The following TKT variants were observed in gnomAD, a reference collection of about 807,000 sequenced individuals.
The protein encoded by TKT is transketolase, also known as epididymis luminal protein 107.
In TKT, 47 loss-of-function variants were observed where a neutral mutation model predicts 63.9. The observed-to-expected ratio is 0.74, with a 90% confidence interval of 0.58 to 0.94. TKT has a LOEUF of 0.94. Among genes scored for constraint, TKT ranks in the 40% least tolerant of loss-of-function variants. The pLI, the probability that TKT is intolerant of heterozygous loss-of-function variation, is 0.00. For missense variants in TKT, 721 were observed against 846.2 expected (o/e 0.85, Z 1.84); for synonymous variants, 338 against 334.1 (o/e 1.01, Z -0.13).
At chr3:53,246,926 G>A (rs1344536382) in intron 1 of TKT, among the ~76,000 whole-genome samples, 1 of 151,980 alleles carries the variant, frequency 6.6e-6, no homozygotes, top group African/African-American at 2.4e-5. Flanking sequence ...TCAGGGGAAG[G>A]GAAGATGAGG....
rs11556002 is a variant in TKT at position 53,240,295 on chromosome 3, G to A, written c.393C>T (p.Ala131=). The A allele has an allele frequency of 9.5e-4, 1,537 of 1,613,276 alleles. 13 individuals are homozygous for A. The African/African-American group carries it at 0.016, about 17-fold the overall frequency. The change falls in exon 4 of 14, where the codon GCC becomes GCT. Residue 131 remains alanine, a synonymous_variant. Transcript: ENST00000462138. ...TGCCGGTGTAGGCCATCCCACAAGC[G>A]GCCCCGAGGCCCTGGCCCAGGGAGC... The part of the protein sequence containing the change: ...ATGSLGQGLG[A]ACGMAYTGKY...
At chr3:53,254,381 C>G (rs574419787) in intron 1 of TKT, among the ~76,000 whole-genome samples, 1 of 152,334 alleles carries the variant, frequency 6.6e-6, no homozygotes, top group Admixed American at 6.5e-5. Flanking sequence ...CCCAGGAGAG[C>G]TAACAGGTCC....
rs527662452 is a variant in TKT at position 53,225,371 on chromosome 3, G to A, written c.*385C>T. 1.4e-4 allele frequency: 23 copies of A among 158,674 alleles called. No homozygotes were observed. Among genetic ancestry groups the A allele is most frequent in the African/African-American group, 2.2e-4 (9 of 41,724 alleles). The allele number at this position is 158,674 out of a possible 1,614,324, so 9.8% of individuals were successfully genotyped here. The stretch of plus-strand genomic sequence containing the variant: ...CCAGACTGAGGCAGTTCCCCAGCCC[G>A]CTCAGGGCCAGGTGGACTGAGGTCA... On this transcript the variant is annotated 3_prime_UTR_variant, in exon 14 of 14. Transcript: ENST00000462138.
chr3:53,255,962 G>A lies in TKT; in HGVS notation c.-20C>T. The A allele has an allele frequency of 6.7e-7, 1 of 1,485,370 alleles. No homozygotes were observed. The highest frequency in any genetic ancestry group is 9.0e-7 in the Non-Finnish European group (1 of 1,106,326). The allele number at this position is 1,485,370 out of a possible 1,614,324, so 92.0% of individuals were successfully genotyped here. ...CTCCATGGTGCGGCAGGCGGGGACCGGGCGCACACGCGGACACACAGAGAT... is the reference window on the plus strand; with the variant it reads ...CTCCATGGTGCGGCAGGCGGGGACCAGGCGCACACGCGGACACACAGAGAT... On this transcript the variant is annotated 5_prime_UTR_variant, in exon 1 of 14. Transcript: ENST00000462138.
rs781905246 is a variant in TKT at position 53,231,529 on chromosome 3, C to CCAGAAGATAAGGAGGTAG, written c.769_770insCTACCTCCTTATCTTCTG (p.Trp257delinsSerThrSerLeuSerSerGly). 6.8e-5 allele frequency: 110 copies of CCAGAAGATAAGGAGGTAG among 1,613,930 alleles called. No individual in the cohort carries two copies. Among genetic ancestry groups the CCAGAAGATAAGGAGGTAG allele is most frequent in the African/African-American group, 1.3e-5 (1 of 74,932 alleles). On this transcript the variant is annotated protein_altering_variant, in exon 7 of 14. Coordinates refer to ENST00000462138, the MANE Select transcript of TKT (RefSeq NM_001064.4). ...GTTTTTGGGGAGGGGCTTCCCATGC[C>CCAGAAGATAAGGAGGTAG]AAGACTCCTTATCTTCTACCCCTGC...
rs781789366 is a variant in TKT, at chr3:53,229,462, C to T, written c.1108-26G>A. On this transcript the variant is annotated intron_variant, in intron 8 of 13. Transcript: ENST00000462138. ...CTGGGGGCAGGTGGGACAGGGTCAG[C>T]CCAAAGGGGCAGGCAGAGGGTGGTC... The T allele has an allele frequency of 8.8e-6, 14 of 1,587,488 alleles. No individual in the cohort carries two copies. The East Asian group carries it at 3.2e-4, about 36-fold the overall frequency.
chr3:53,254,686 G>T (rs1289685109), intron 1 of TKT, among the ~76,000 whole-genome samples: 3 of 152,158 alleles, frequency 2.0e-5, no homozygotes, highest in Non-Finnish European at 4.4e-5. Flanking sequence ...TCCAAGTAGA[G>T]CACTGGAGTC....
intron 12 of TKT, chr3:53,227,723 A>C: frequency 3.8e-6 from 1 of 260,870 alleles, no homozygotes; most frequent in Non-Finnish European, 7.5e-6. Context: ...GTGACAGTGA[A>C]TAACTTACTT....
rs782199940 is a variant in TKT, at chr3:53,230,673, A to G, written c.943-52T>C. Reference sequence around the variant, plus strand: ...TGGACCCCTCTGAGGGTGAGTGCACACCTGCAGCCTGGAGCCCTGCTTTCA... The same window carrying G: ...TGGACCCCTCTGAGGGTGAGTGCACGCCTGCAGCCTGGAGCCCTGCTTTCA... On this transcript the variant is annotated intron_variant, in intron 7 of 13. Transcript: ENST00000462138. 1.9e-6 allele frequency: 3 copies of G among 1,601,474 alleles called. No individual in the cohort carries two copies. The South Asian group carries it at 3.3e-5, about 18-fold the overall frequency.
At chr3:53,229,842 A>G (rs1704665854) in intron 8 of TKT, among the ~76,000 whole-genome samples, 1 of 152,206 alleles carries the variant, frequency 6.6e-6, no homozygotes, top group African/African-American at 2.4e-5. Context: ...TCCAGTTGGA[A>G]GAACTCTGGA....
chr3:53,244,702 TC>T (rs1350416910), intron 1 of TKT, among the ~76,000 whole-genome samples: 1 of 152,126 alleles, frequency 6.6e-6, no homozygotes, highest in Non-Finnish European at 1.5e-5. Context: ...CCAGAGTTTT[TC>T]CTGCCATTCC....
chr3:53,229,158 T>C, intron 9 of TKT, 21 bp from the exon 10 acceptor site: 3 of 1,613,972 alleles, frequency 1.9e-6, no homozygotes, highest in Non-Finnish European at 2.5e-6. Flanking sequence ...GGGGAAAGGA[T>C]ATGCAGAAAT....
rs782341668 is a variant in TKT at position 53,228,072 on chromosome 3, G to C, written c.1557C>G (p.Ala519=). The C allele has an allele frequency of 1.2e-6, 2 of 1,612,816 alleles. No individual in the cohort carries two copies. Among genetic ancestry groups the C allele is most frequent in the Non-Finnish European group, 1.7e-6 (2 of 1,179,966 alleles). ...TCTCCTCACCTTTCTTCAGCAGTTCGGCAGCGGCCAAGGCCTCGTGCAGGG... is the reference window on the plus strand; with the variant it reads ...TCTCCTCACCTTTCTTCAGCAGTTCCGCAGCGGCCAAGGCCTCGTGCAGGG... The part of the protein sequence containing the change: ...GVTLHEALAA[A]ELLKKEKINI... Residue 519 remains alanine, a synonymous_variant, in exon 12 of 14, where the codon GCC becomes GCG. Transcript: ENST00000462138.
At position 53,225,597 on chromosome 3, in the gene TKT, G is replaced by A. The variant is rs1575557009; in HGVS notation, c.*159C>T. On this transcript the variant is annotated 3_prime_UTR_variant, in exon 14 of 14. Transcript: ENST00000462138. ...GCGCACCCTCCACGCTTCTTCCCCA[G>A]AACCTGCACTGGCTGCAAACACATC... The A allele has an allele frequency of 3.3e-6, 3 of 923,020 alleles. No homozygotes were observed. The East Asian group carries it at 8.5e-5, about 26-fold the overall frequency. The allele number at this position is 923,020 out of a possible 1,614,324, so 57.2% of individuals were successfully genotyped here.
chr3:53,255,172 G>C (rs1159014098), intron 1 of TKT, among the ~76,000 whole-genome samples: 1 of 152,224 alleles, frequency 6.6e-6, no homozygotes, highest in Non-Finnish European at 1.5e-5. Flanking sequence ...GCCGCTGCCT[G>C]GCGTCTCAGC....
At chr3:53,230,385 G>A (rs2106667922) in intron 8 of TKT, 72 bp downstream of exon 8, 1 of 1,592,642 alleles carries the variant, frequency 6.3e-7, no homozygotes, top group South Asian at 1.1e-5. Flanking sequence ...CTGCCAACAT[G>A]GCTGCCCCGC....
At chr3:53,252,349 T>C (rs1195069971) in intron 1 of TKT, among the ~76,000 whole-genome samples, 1 of 152,216 alleles carries the variant, frequency 6.6e-6, no homozygotes, top group Non-Finnish European at 1.5e-5. Context: ...GTGTCTCAAG[T>C]CTTCCTTGAT....
intron 1 of TKT, among the ~76,000 whole-genome samples, chr3:53,248,469 C>T (rs1307826361): frequency 1.3e-5 from 2 of 152,148 alleles, no homozygotes; most frequent in Non-Finnish European, 2.9e-5. Flanking sequence ...CCTGTCTCTA[C>T]AAATAATTTT....
chr3:53,238,384 C>T lies in TKT; in HGVS notation c.437+1867G>A, dbSNP rs186957111. Among the ~76,000 whole-genome samples the T allele has an allele frequency of 1.0e-3, 156 of 152,366 alleles. 1 individual carries two copies. Among genetic ancestry groups the T allele is most frequent in the Non-Finnish European group, 1.9e-3 (130 of 68,038 alleles). On this transcript the variant is annotated intron_variant, in intron 4 of 13. Transcript: ENST00000462138. ...CTTCTGGGTGTAGCCAAGCCTGCCC[C>T]AAGGCTCACCAAGGAATGAAAGCAA...
Sources: gnomAD v4.1 joint callset for allele counts (sites outside exome capture counted in the v4.1 genomes callset) on GRCh38, gnomAD v4.1.1 for gene constraint, MANE v1.5 for transcripts, NCBI Gene and HGNC (gene_info 2026-07-23, HGNC 2026-07-21) for gene names.